Variants in PCDHA6 observed in about 807,000 individuals in gnomAD.
PCDHA6 encodes protocadherin alpha-6.
Under a neutral mutation model 60.3 loss-of-function variants are expected in PCDHA6, and 55 were observed. The ratio of observed to expected loss-of-function variants is 0.91; its 90% CI spans 0.73 to 1.14. The LOEUF is 1.14. Ranked by LOEUF, PCDHA6 falls within the 50% of genes most tolerant of loss-of-function variation. The pLI is 0.00. For missense variants in PCDHA6, 1,327 were observed against 1,256.5 expected (o/e 1.06, Z -0.85); for synonymous variants, 652 against 557.9 (o/e 1.17, Z -2.38).
At chr5:140,877,894 G>C (rs1186724493) in intron 1 of PCDHA6, 21 of 1,447,492 alleles carry the variant, frequency 1.5e-5, no homozygotes, top group African/African-American at 2.9e-5. Flanking sequence ...CTTCCGTTTA[G>C]GTTATAACTA....
intron 1 of PCDHA6, chr5:140,927,406 G>C: frequency 6.2e-7 from 1 of 1,614,210 alleles, no homozygotes; most frequent in East Asian, 2.2e-5. Context: ...CTTTCGCCTG[G>C]ACATGGGATC....
chr5:140,838,651 G>A (rs1775818382), intron 1 of PCDHA6, among the ~76,000 whole-genome samples: 1 of 151,988 alleles, frequency 6.6e-6, no homozygotes, highest in Non-Finnish European at 1.5e-5. Context: ...AAAAATGATA[G>A]TTAACGGGGC....
intron 1 of PCDHA6, among the ~76,000 whole-genome samples, chr5:140,900,759 A>G (rs1419646582): frequency 6.6e-6 from 1 of 152,044 alleles, no homozygotes; most frequent in Non-Finnish European, 1.5e-5. Context: ...TGGTAGCTCT[A>G]TTTTTGGCTT....
chr5:140,871,118 G>T (rs1554165149), intron 1 of PCDHA6: 1 of 1,613,306 alleles, frequency 6.2e-7, no homozygotes, highest in African/African-American at 1.3e-5. Context: ...GTGGAGAGCG[G>T]ACAGGCGCCA....
chr5:140,995,893 A>G (rs1038677586), intron 3 of PCDHA6, among the ~76,000 whole-genome samples: 3 of 152,182 alleles, frequency 2.0e-5, no homozygotes, highest in Non-Finnish European at 4.4e-5. Flanking sequence ...AGATTTATCA[A>G]TGTATAAAAG....
intron 1 of PCDHA6, among the ~76,000 whole-genome samples, chr5:140,943,236 TCA>T (rs1454947972): frequency 5.6e-5 from 7 of 124,930 alleles, no homozygotes; most frequent in African/African-American, 1.9e-4. Flanking sequence ...CCAGCCTGGG[TCA>T]CAGAGTGAGA....
At chr5:141,002,357 C>G (rs2098075744) in intron 3 of PCDHA6, among the ~76,000 whole-genome samples, 2 of 152,246 alleles carry the variant, frequency 1.3e-5, no homozygotes, top group Admixed American at 6.5e-5. Flanking sequence ...ACCTCCACTC[C>G]TTTCAACTCA....
chr5:140,837,615 C>T (rs1253493684), intron 1 of PCDHA6, among the ~76,000 whole-genome samples: 3 of 145,806 alleles, frequency 2.1e-5, no homozygotes, highest in Non-Finnish European at 4.5e-5. Flanking sequence ...TATAATTTGC[C>T]CCTTCCTTCC....
At chr5:140,870,277 G>T (rs367959983) in intron 1 of PCDHA6, 4 of 1,614,168 alleles carry the variant, frequency 2.5e-6, no homozygotes, top group Non-Finnish European at 3.4e-6. Context: ...GACGCCCCAC[G>T]TTCCCTTCAA....
At chr5:140,870,069 A>G (rs376226695) in intron 1 of PCDHA6, 43 of 1,613,780 alleles carry the variant, frequency 2.7e-5, no homozygotes, top group Non-Finnish European at 3.4e-5. Flanking sequence ...TACAGGCTAC[A>G]GATAAGGGGA....
rs2150169697 is a variant in PCDHA6, at chr5:140,829,537, G to T, written c.1446G>T (p.Ala482=). 2.5e-6 allele frequency: 4 copies of T among 1,612,962 alleles called. No individual in the cohort carries two copies. Among genetic ancestry groups the T allele is most frequent in the Non-Finnish European group, 3.4e-6 (4 of 1,179,874 alleles). The change falls in exon 1 of 4, where the codon GCG becomes GCT. Residue 482 remains alanine, a synonymous_variant. Coordinates refer to ENST00000529310, the MANE Select transcript of PCDHA6 (RefSeq NM_018909.4). Reference sequence around the variant, plus strand: ...TCTTCACGGTGTCTGCGCGAGACGCGGACGCGCAGGAGAACGCGCTGGTGT... The same window carrying T: ...TCTTCACGGTGTCTGCGCGAGACGCTGACGCGCAGGAGAACGCGCTGGTGT... ...CHIFTVSARD[A]DAQENALVSY...
rs782133089 is a variant in PCDHA6, at chr5:140,924,894, C to CA, written c.2395-54044dup. Among the ~76,000 whole-genome samples, 369 of 71,492 alleles carry CA rather than the reference C, an allele frequency of 5.2e-3. 5 individuals carry two copies. The South Asian group carries it at 0.07, about 14-fold the overall frequency. 46.9% of individuals were successfully genotyped at this position (71,492 alleles called of 152,430 possible). ...TGGGTGACAGAGCAAGAACCTGTCT[C>CA]AAAAAAAAAAATAAAATAAAATAAA... is the stretch of plus-strand genomic sequence containing the variant. On this transcript the variant is annotated intron_variant, in intron 1 of 3. Coordinates refer to ENST00000529310, the MANE Select transcript of PCDHA6 (RefSeq NM_018909.4).
At chr5:140,917,337 G>T (rs1563019639) in intron 1 of PCDHA6, among the ~76,000 whole-genome samples, 1 of 142,560 alleles carries the variant, frequency 7.0e-6, no homozygotes, top group Non-Finnish European at 1.6e-5. Context: ...GGGAGGGGGG[G>T]GATGGTGTAG....
intron 1 of PCDHA6, among the ~76,000 whole-genome samples, chr5:140,953,569 C>G (rs246030): frequency 0.56 from 85,556 of 151,828 alleles, 24,725 homozygotes; most frequent in African/African-American, 0.69. Context: ...TTAGTGCCCT[C>G]CTCTCCCAAA....
Position 140,849,759 on chromosome 5 carries a change from G to A in PCDHA6, c.2394+19274G>A, listed in dbSNP as rs140660802. On this transcript the variant is annotated intron_variant, in intron 1 of 3. Coordinates refer to ENST00000529310, the MANE Select transcript of PCDHA6 (RefSeq NM_018909.4). Reference sequence around the variant, plus strand: ...GGACCGCGAGAGTGTGTCCGCCTACGAGCTGGTGGTTACCGCGCGGGACGG... The same window carrying A: ...GGACCGCGAGAGTGTGTCCGCCTACAAGCTGGTGGTTACCGCGCGGGACGG... The A allele has an allele frequency of 1.8e-5, 29 of 1,598,444 alleles. 5 individuals are homozygous for A. The Admixed American group carries it at 3.9e-4, about 21-fold the overall frequency.
chr5:140,905,437 C>T (rs190555934), intron 1 of PCDHA6, among the ~76,000 whole-genome samples: 1 of 152,130 alleles, frequency 6.6e-6, no homozygotes, highest in Non-Finnish European at 1.5e-5. Flanking sequence ...ATAACTACAG[C>T]CTTTTAGTAT....
intron 1 of PCDHA6, among the ~76,000 whole-genome samples, chr5:140,888,140 G>A (rs2061708866): frequency 1.3e-5 from 2 of 152,080 alleles, no homozygotes; most frequent in Admixed American, 1.3e-4. Context: ...TTTTCTTGCT[G>A]TTTTGCATGA....
At chr5:140,858,251 C>A in intron 1 of PCDHA6, 1 of 1,596,688 alleles carries the variant, frequency 6.3e-7, no homozygotes, top group East Asian at 2.2e-5. Context: ...GCCGGTGAAG[C>A]CCACGCTGGT....
chr5:140,909,010 G>C (rs2074261521), intron 1 of PCDHA6, among the ~76,000 whole-genome samples: 1 of 152,120 alleles, frequency 6.6e-6, no homozygotes, highest in South Asian at 2.1e-4. Flanking sequence ...GAGGTAGAAG[G>C]TTCCTGAATT....
Sources: gnomAD v4.1 joint callset for allele counts (sites outside exome capture counted in the v4.1 genomes callset) on GRCh38, gnomAD v4.1.1 for gene constraint, MANE v1.5 for transcripts, NCBI Gene and HGNC (gene_info 2026-07-23, HGNC 2026-07-21) for gene names.